Variants in SGCZ observed in about 807,000 individuals in gnomAD.
SGCZ encodes the protein zeta-sarcoglycan.
Under a neutral mutation model 41.3 loss-of-function variants are expected in SGCZ, and 40 were observed. The observed-to-expected ratio is 0.97, with a 90% CI of 0.75 to 1.26. The LOEUF is 1.26. Ranked by LOEUF, SGCZ falls within the 50% of genes most tolerant of loss-of-function variation. The pLI, the probability that SGCZ is intolerant of heterozygous loss-of-function variation, is 0.00. For synonymous variants in SGCZ, 206 were observed against 137.5 expected (o/e 1.50, Z -3.49); for missense variants, 552 against 369.8 (o/e 1.49, Z -4.04).
intron 5 of SGCZ, 33 bp downstream of exon 5, chr8:14,164,547 T>C: frequency 2.5e-6 from 4 of 1,611,608 alleles, no homozygotes; most frequent in Non-Finnish European, 3.4e-6. Flanking sequence ...TTTAAAGAAG[T>C]AAACAATTTT....
chr8:14,485,021 A>T (rs1360114861), intron 2 of SGCZ, among the ~76,000 whole-genome samples: 4 of 152,184 alleles, frequency 2.6e-5, no homozygotes, highest in Non-Finnish European at 5.9e-5. Flanking sequence ...GTTTCTCTTT[A>T]TGGCTTTAAA....
At chr8:15,045,562 A>C (rs2130985096) in intron 1 of SGCZ, among the ~76,000 whole-genome samples, 1 of 152,252 alleles carries the variant, frequency 6.6e-6, no homozygotes, top group South Asian at 2.1e-4. Context: ...GTGATAAAGT[A>C]GTTCCAAGAT....
chr8:14,165,074 G>C lies in SGCZ; in HGVS notation c.425-372C>G, dbSNP rs561972025. On this transcript the variant is annotated intron_variant, in intron 4 of 7. Transcript: ENST00000382080. ...TGCTTAATAAGTACTTGTGGACTGA[G>C]TGACTCTCATGCCTTACCTCTGCAG... The C allele has an allele frequency of 1.9e-4, 40 of 205,942 alleles. 1 individual carries two copies. Among genetic ancestry groups the C allele is most frequent in the Non-Finnish European group, 1.2e-4 (12 of 99,990 alleles). 12.8% of individuals were successfully genotyped at this position (205,942 alleles called of 1,614,324 possible).
rs146746563 is a variant in SGCZ at position 14,538,121 on chromosome 8, C to T, written c.234+16611G>A. 2.0e-4 allele frequency among the ~76,000 whole-genome samples: 31 copies of T among 151,946 alleles called. No individual in the cohort carries two copies. The South Asian group carries it at 4.1e-3, about 20-fold the overall frequency. ...TAGATGTTCTATCTGGTGCATATTT[C>T]GAAATATCCATTCTCTGCTGTTAGA... On this transcript the variant is annotated intron_variant, in intron 2 of 7. Transcript: ENST00000382080.
At chr8:14,223,188 T>G (rs1197001101) in intron 4 of SGCZ, among the ~76,000 whole-genome samples, 1 of 152,154 alleles carries the variant, frequency 6.6e-6, no homozygotes, top group African/African-American at 2.4e-5. Flanking sequence ...CGTTTTACCC[T>G]TACTGTATTG....
At chr8:14,450,017 ACT>A (rs1800546129) in intron 2 of SGCZ, among the ~76,000 whole-genome samples, 2 of 152,366 alleles carry the variant, frequency 1.3e-5, no homozygotes, top group South Asian at 2.1e-4. Context: ...ATGATCCAGA[ACT>A]CTTTTACAGA....
rs759398147 is a variant in SGCZ at position 15,237,654 on chromosome 8, C to T, written c.-31G>A. 3.8e-6 allele frequency: 6 copies of T among 1,571,328 alleles called. No homozygotes were observed. Among genetic ancestry groups the T allele is most frequent in the South Asian group, 3.5e-5 (3 of 85,860 alleles). On this transcript the variant is annotated 5_prime_UTR_variant, in exon 1 of 8. Coordinates refer to ENST00000382080, the MANE Select transcript of SGCZ (RefSeq NM_139167.4). ...GCAACTAAACGAAGTGGAGAGGAAC[C>T]GGGCGAGTGGCACCCAAAAACAATC...
rs117702171 is a variant in SGCZ at position 14,448,305 on chromosome 8, G to C, written c.234+106427C>G. ...AAGAAATCATCAAAACGAACTGCAT[G>C]GCAGAAACTTTTCTGATATCAAGAG... On this transcript the variant is annotated intron_variant, in intron 2 of 7. Transcript: ENST00000382080. 6.1e-3 allele frequency among the ~76,000 whole-genome samples: 932 copies of C among 152,200 alleles called. 34 individuals are homozygous for C. The East Asian group carries it at 0.079, about 13-fold the overall frequency.
intron 3 of SGCZ, among the ~76,000 whole-genome samples, chr8:14,292,857 T>C (rs1800887262): frequency 6.6e-6 from 1 of 152,006 alleles, no homozygotes; most frequent in Admixed American, 6.6e-5. Context: ...TCCCTCTGTC[T>C]CTATATATAT....
intron 1 of SGCZ, among the ~76,000 whole-genome samples, chr8:14,682,862 T>C (rs1346871997): frequency 6.6e-6 from 1 of 152,174 alleles, no homozygotes; most frequent in Non-Finnish European, 1.5e-5. Flanking sequence ...TAAAGGTAAA[T>C]TGGGCTAGAT....
intron 1 of SGCZ, among the ~76,000 whole-genome samples, chr8:14,654,973 A>G (rs953063416): frequency 6.6e-6 from 1 of 151,998 alleles, no homozygotes; most frequent in African/African-American, 2.4e-5. Context: ...CCCCATCATT[A>G]CTTTTAATGC....
At chr8:14,795,863 C>A (rs1226631017) in intron 1 of SGCZ, among the ~76,000 whole-genome samples, 3 of 152,080 alleles carry the variant, frequency 2.0e-5, no homozygotes, top group Admixed American at 2.0e-4. Context: ...GTGTGTTGTT[C>A]CCCTCTATGT....
intron 2 of SGCZ, among the ~76,000 whole-genome samples, chr8:14,452,192 T>A (rs976851929): frequency 6.6e-6 from 1 of 152,042 alleles, no homozygotes; most frequent in African/African-American, 2.4e-5. Flanking sequence ...TTCTACTAAG[T>A]TAAAGAAGTC....
chr8:14,851,368 C>CAAAA lies in SGCZ; in HGVS notation c.40-296446_40-296443dup, dbSNP rs369090223. ...TGGGCGACAGAGCGAGACTCCATCT[C>CAAAA]AAAAAAAAAAAAAAAAAAAAAAGAA... On this transcript the variant is annotated intron_variant, in intron 1 of 7. Transcript: ENST00000382080. 1.2e-3 allele frequency among the ~76,000 whole-genome samples: 77 copies of CAAAA among 61,874 alleles called. 1 individual carries two copies. The highest frequency in any genetic ancestry group is 0.013 in the Middle Eastern group (1 of 76). The allele number at this position is 61,874 out of a possible 152,430, so 40.6% of individuals were successfully genotyped here. A position where few individuals can be genotyped will look rare whatever the true frequency, so the allele number is the denominator to read the frequency against.
At chr8:14,548,913 C>T (rs1803713748) in intron 2 of SGCZ, among the ~76,000 whole-genome samples, 1 of 152,052 alleles carries the variant, frequency 6.6e-6, no homozygotes, top group African/African-American at 2.4e-5. Flanking sequence ...GCTGGGCAGG[C>T]TGAGGCTCTA....
At chr8:14,925,225 C>T (rs1799710430) in intron 1 of SGCZ, among the ~76,000 whole-genome samples, 1 of 152,098 alleles carries the variant, frequency 6.6e-6, no homozygotes, top group Non-Finnish European at 1.5e-5. Flanking sequence ...ATACGTATAC[C>T]ACAAACTGTC....
intron 3 of SGCZ, among the ~76,000 whole-genome samples, chr8:14,263,410 G>C (rs535556984): frequency 6.6e-6 from 1 of 151,990 alleles, no homozygotes; most frequent in Non-Finnish European, 1.5e-5. Context: ...TTAGCCAGGC[G>C]TGGAGGCACG....
intron 1 of SGCZ, among the ~76,000 whole-genome samples, chr8:15,199,183 G>C (rs372142211): frequency 3.9e-5 from 6 of 152,050 alleles, no homozygotes; most frequent in African/African-American, 1.2e-4. Flanking sequence ...ATTTTCATTC[G>C]TTCTTTCATT....
chr8:15,078,249 C>G (rs1253876891), intron 1 of SGCZ, among the ~76,000 whole-genome samples: 2 of 137,456 alleles, frequency 1.5e-5, no homozygotes, highest in African/African-American at 2.7e-5. Context: ...GAGACAAGAA[C>G]CCAGATTTCA....
Sources: gnomAD v4.1 joint callset for allele counts (sites outside exome capture counted in the v4.1 genomes callset) on GRCh38, gnomAD v4.1.1 for gene constraint, MANE v1.5 for transcripts, NCBI Gene and HGNC (gene_info 2026-07-23, HGNC 2026-07-21) for gene names.